Variants in LUZP2 observed in about 807,000 individuals in gnomAD.
LUZP2 encodes the protein leucine zipper protein 2.
A neutral mutation model predicts 51.6 loss-of-function variants in LUZP2; 52 were observed. That is an observed-to-expected ratio of 1.01 (90% CI 0.81 to 1.27). The LOEUF (loss-of-function observed/expected upper bound fraction) is 1.27, where lower values mean the gene tolerates loss of function less well. Ranked by LOEUF, LUZP2 falls within the 50% of genes most tolerant of loss-of-function variation. The pLI is 0.00. For missense variants in LUZP2, 436 were observed against 395.4 expected (o/e 1.10, Z -0.87); for synonymous variants, 154 against 137.3 (o/e 1.12, Z -0.85).
chr11:24,594,699 C>A (rs765567360), intron 1 of LUZP2, among the ~76,000 whole-genome samples: 4 of 150,160 alleles, frequency 2.7e-5, no homozygotes, highest in Non-Finnish European at 5.9e-5. Flanking sequence ...GAAACATTGG[C>A]CTTGATATTT....
At chr11:24,787,134 C>T (rs937610877) in intron 5 of LUZP2, among the ~76,000 whole-genome samples, 1 of 152,074 alleles carries the variant, frequency 6.6e-6, no homozygotes, top group Non-Finnish European at 1.5e-5. Context: ...CGTTTGGGTA[C>T]CCTTCTGAAA....
intron 5 of LUZP2, among the ~76,000 whole-genome samples, chr11:24,834,255 C>T (rs983063639): frequency 7.2e-5 from 11 of 152,040 alleles, no homozygotes; most frequent in Admixed American, 2.0e-4. Flanking sequence ...TGCCCCTCAC[C>T]CCCCAACAGG....
intron 5 of LUZP2, among the ~76,000 whole-genome samples, chr11:24,825,584 C>G (rs1850500697): frequency 6.6e-6 from 1 of 152,042 alleles, no homozygotes; most frequent in Non-Finnish European, 1.5e-5. Context: ...TGAGTAGGGT[C>G]TCAAGGTGAA....
intron 1 of LUZP2, among the ~76,000 whole-genome samples, chr11:24,544,900 A>G (rs1186306235): frequency 1.3e-5 from 2 of 152,112 alleles, no homozygotes; most frequent in Admixed American, 6.6e-5. Flanking sequence ...TTGTACTCCC[A>G]CTAACAGTGT....
chr11:24,899,126 CTT>C (rs1225974909), intron 5 of LUZP2, among the ~76,000 whole-genome samples: 3 of 152,106 alleles, frequency 2.0e-5, no homozygotes, highest in Non-Finnish European at 2.9e-5. Flanking sequence ...AATTTCTAAA[CTT>C]ATTCACTTGC....
chr11:24,537,950 A>G (rs1392908945), intron 1 of LUZP2, among the ~76,000 whole-genome samples: 1 of 151,888 alleles, frequency 6.6e-6, no homozygotes, highest in Non-Finnish European at 1.5e-5. Context: ...GTATTGAGCT[A>G]TTTGTGTTGC....
At chr11:24,613,029 C>T (rs1246836161) in intron 1 of LUZP2, among the ~76,000 whole-genome samples, 1 of 152,096 alleles carries the variant, frequency 6.6e-6, no homozygotes, top group Non-Finnish European at 1.5e-5. Flanking sequence ...TCCATGCCAA[C>T]TCTTATGTAG....
At chr11:25,074,216 T>C (rs1337553377) in intron 10 of LUZP2, among the ~76,000 whole-genome samples, 2 of 152,158 alleles carry the variant, frequency 1.3e-5, no homozygotes, top group Non-Finnish European at 2.9e-5. Context: ...CCTCATCATA[T>C]TGAGCTCTAT....
chr11:24,812,043 A>C lies in LUZP2; in HGVS notation c.396+48735A>C, dbSNP rs1225456651. Among the ~76,000 whole-genome samples, 12 of 152,278 alleles carry C rather than the reference A, an allele frequency of 7.9e-5. No homozygotes were observed. In the East Asian group the frequency reaches 2.1e-3, roughly 27 times the overall value. Reference sequence around the variant, plus strand: ...CATCTCACCCTATGATTGAAGAATTATTTCATCGACAATATGGGCTGTTGT... The same window carrying C: ...CATCTCACCCTATGATTGAAGAATTCTTTCATCGACAATATGGGCTGTTGT... On this transcript the variant is annotated intron_variant, in intron 5 of 11. Coordinates refer to ENST00000336930, the MANE Select transcript of LUZP2 (RefSeq NM_001009909.4).
intron 1 of LUZP2, among the ~76,000 whole-genome samples, chr11:24,527,990 C>T (rs1172207003): frequency 2.6e-5 from 4 of 151,342 alleles, no homozygotes; most frequent in African/African-American, 9.7e-5. Flanking sequence ...CAGGGCTGGA[C>T]ATCCATTCCT....
Position 24,878,642 on chromosome 11 carries a change from A to G in LUZP2, c.397-27349A>G, listed in dbSNP as rs190611396. On this transcript the variant is annotated intron_variant, in intron 5 of 11. Transcript: ENST00000336930. ...TCCCTTTTAGTTTTTATTTTATTTT[A>G]TTTTTAATTTTTATTTTAGTTTCAG... Among the ~76,000 whole-genome samples, 79 of 150,886 alleles carry G rather than the reference A, an allele frequency of 5.2e-4. 1 individual carries two copies. In the East Asian group the frequency reaches 0.015, roughly 29 times the overall value.
Position 25,002,448 on chromosome 11 carries a change from G to A in LUZP2, c.765+19155G>A, listed in dbSNP as rs545354956. Among the ~76,000 whole-genome samples the A allele has an allele frequency of 2.6e-5, 4 of 152,304 alleles. No homozygotes were observed. The East Asian group carries it at 7.7e-4, about 29-fold the overall frequency. On this transcript the variant is annotated intron_variant, in intron 9 of 11. Transcript: ENST00000336930. The stretch of plus-strand genomic sequence containing the variant: ...AGGGCCATTGACATATGTATTTGAA[G>A]CACCGGTCCCTCAAGGAATAGCACC...
chr11:24,926,655 G>T (rs1018501631), intron 7 of LUZP2, among the ~76,000 whole-genome samples: 59 of 126,056 alleles, frequency 4.7e-4, no homozygotes, highest in African/African-American at 1.5e-3. Flanking sequence ...ATATATGTGT[G>T]TGTATATATA....
chr11:24,793,270 A>G (rs1261897649), intron 5 of LUZP2, among the ~76,000 whole-genome samples: 1 of 152,142 alleles, frequency 6.6e-6, no homozygotes, highest in African/African-American at 2.4e-5. Flanking sequence ...TCAGCTTTGT[A>G]GATGCATCAT....
chr11:25,008,712 G>T (rs1163759413), intron 9 of LUZP2, among the ~76,000 whole-genome samples: 1 of 152,162 alleles, frequency 6.6e-6, no homozygotes. Flanking sequence ...CAGTGTAGAA[G>T]AAGTTTATTG....
chr11:24,976,705 GCAAAA>G (rs751192778), intron 8 of LUZP2, 40 bp downstream of exon 8: 152 of 223,010 alleles, frequency 6.8e-4, no homozygotes, highest in South Asian at 5.1e-3. Context: ...TGTAGTTTTA[GCAAAA>G]AAAAAAAAAA....
chr11:24,504,243 T>C (rs1850085464), intron 1 of LUZP2, among the ~76,000 whole-genome samples: 2 of 152,218 alleles, frequency 1.3e-5, no homozygotes, highest in South Asian at 4.1e-4. Flanking sequence ...GAAACTGTGG[T>C]ATTTCTCAAT....
intron 1 of LUZP2, among the ~76,000 whole-genome samples, chr11:24,566,403 A>G (rs1433905992): frequency 6.9e-6 from 1 of 145,796 alleles, no homozygotes; most frequent in Non-Finnish European, 1.5e-5. Context: ...GATACGGCTT[A>G]CCACAACCTC....
At chr11:24,725,688 C>T (rs893335110) in intron 1 of LUZP2, among the ~76,000 whole-genome samples, 2 of 151,896 alleles carry the variant, frequency 1.3e-5, no homozygotes, top group Non-Finnish European at 2.9e-5. Context: ...AAGAATCTTC[C>T]AAATAAATTA....
Sources: allele counts gnomAD v4.1 joint callset (sites outside exome capture counted in the v4.1 genomes callset), GRCh38; gene constraint gnomAD v4.1.1; transcripts MANE v1.5; gene names NCBI Gene and HGNC (gene_info 2026-07-23, HGNC 2026-07-21).